The following LCA5L variants were observed in gnomAD, a reference collection of about 807,000 sequenced individuals.
LCA5L encodes lebercilin-like protein.
Under a neutral mutation model 45.4 loss-of-function variants are expected in LCA5L, and 35 were observed. The observed-to-expected ratio is 0.77, with a 90% CI of 0.59 to 1.02. The LOEUF is 1.02. Ranked by LOEUF, LCA5L falls within the 50% of genes least tolerant of loss-of-function variation. The pLI is 0.00. For synonymous variants in LCA5L, 233 were observed against 264.7 expected, an observed-to-expected ratio of 0.88 and a Z score of 1.16; for missense variants, 668 against 761.6, an observed-to-expected ratio of 0.88 and a Z score of 1.45.
At chr21:39,416,015 A>G (rs1048482938) in intron 7 of LCA5L, among the ~76,000 whole-genome samples, 3 of 152,212 alleles carry the variant, frequency 2.0e-5, no homozygotes, top group African/African-American at 7.2e-5. Context: ...ACTGATGATC[A>G]TTGATTAGAG....
chr21:39,410,187 C>T lies in LCA5L; in HGVS notation c.1164+77G>A. 2.4e-6 allele frequency: 3 copies of T among 1,246,492 alleles called. No individual in the cohort carries two copies. The South Asian group carries it at 3.7e-5, about 15-fold the overall frequency. The allele number at this position is 1,246,492 out of a possible 1,614,324, so 77.2% of individuals were successfully genotyped here. On this transcript the variant is annotated intron_variant, in intron 9 of 10. Transcript: ENST00000288350. Reference sequence around the variant, plus strand: ...TTCTAATGACTACAAATACTTTTCACATAGAACAAGTGACTGTAGCCTATT... The same window carrying T: ...TTCTAATGACTACAAATACTTTTCATATAGAACAAGTGACTGTAGCCTATT...
intron 5 of LCA5L, among the ~76,000 whole-genome samples, chr21:39,425,680 CAG>C (rs1398885443): frequency 2.6e-5 from 4 of 151,898 alleles, no homozygotes; most frequent in Non-Finnish European, 2.9e-5. Context: ...TGGTTTAAAA[CAG>C]GGGTGGGCGA....
intron 6 of LCA5L, 155 bp downstream of exon 6, chr21:39,422,821 G>A: frequency 2.8e-6 from 2 of 702,110 alleles, no homozygotes; most frequent in Non-Finnish European, 4.8e-6. Flanking sequence ...CTCCCTTTCT[G>A]TGCCCTCTAT....
chr21:39,408,599 C>G (rs187726711), intron 10 of LCA5L: 8 of 152,418 alleles, frequency 5.2e-5, no homozygotes, highest in Non-Finnish European at 1.2e-4. Context: ...TCTATCAAAC[C>G]CTGCAGTCTG....
At chr21:39,417,748 T>C (rs1021528299) in intron 7 of LCA5L, among the ~76,000 whole-genome samples, 1 of 151,852 alleles carries the variant, frequency 6.6e-6, no homozygotes, top group Non-Finnish European at 1.5e-5. Flanking sequence ...TTCTTTTTAT[T>C]TATTTATTTA....
At chr21:39,435,802 AT>A (rs2076229979) in intron 2 of LCA5L, among the ~76,000 whole-genome samples, 1 of 151,922 alleles carries the variant, frequency 6.6e-6, no homozygotes, top group South Asian at 2.1e-4. Flanking sequence ...TGCCCGGCTA[AT>A]TTTTTTGTAT....
At position 39,427,600 on chromosome 21, in the gene LCA5L, T is replaced by TG. The variant is rs2074975951; in HGVS notation, c.322+571dup. Among the ~76,000 whole-genome samples the TG allele has an allele frequency of 2.0e-5, 3 of 149,940 alleles. No homozygotes were observed. The Admixed American group carries it at 2.0e-4, about 10-fold the overall frequency. On this transcript the variant is annotated intron_variant, in intron 5 of 10. Transcript: ENST00000288350. ...TGGCGTGAACCCGGGAGGCAGAGCT[T>TG]GCAGTGAGCCGAGATGGCGCCACTG...
At chr21:39,408,627 C>T (rs1407209227) in intron 10 of LCA5L, 1 of 152,434 alleles carries the variant, frequency 6.6e-6, no homozygotes, top group African/African-American at 2.4e-5. Context: ...TGAGGACTCT[C>T]CTTGGAACCC....
intron 8 of LCA5L, chr21:39,411,291 G>A (rs180968161): frequency 9.5e-6 from 2 of 209,436 alleles, no homozygotes; most frequent in Admixed American, 1.1e-4. Context: ...GATTGGGGTG[G>A]TGGCTCCATC....
chr21:39,436,577 G>C (rs902315565), intron 2 of LCA5L, among the ~76,000 whole-genome samples: 1 of 152,122 alleles, frequency 6.6e-6, no homozygotes, highest in Non-Finnish European at 1.5e-5. Context: ...GACCTCCTGG[G>C]CTCACGCGAT....
intron 8 of LCA5L, 51 bp from the exon 9 acceptor site, chr21:39,410,418 A>G (rs757709191): frequency 4.2e-6 from 4 of 944,528 alleles, no homozygotes; most frequent in Non-Finnish European, 6.6e-6. Flanking sequence ...ATTTGGATAC[A>G]ATATTGATTT....
chr21:39,418,271 GCCTT>G (rs1297224662), intron 7 of LCA5L, among the ~76,000 whole-genome samples: 1 of 152,094 alleles, frequency 6.6e-6, no homozygotes, highest in Admixed American at 6.6e-5. Flanking sequence ...AGTTTCGTTT[GCCTT>G]CCTTTCTTCA....
intron 2 of LCA5L, among the ~76,000 whole-genome samples, chr21:39,443,214 A>G (rs1602008661): frequency 6.6e-6 from 1 of 152,224 alleles, no homozygotes; most frequent in African/African-American, 2.4e-5. Flanking sequence ...GCAGTTCTTT[A>G]AAGTTTGCCT....
Position 39,406,509 on chromosome 21 carries a change from C to T in LCA5L, c.1386G>A (p.Val462=). The change falls in exon 11 of 11, where the codon GTG becomes GTA. Residue 462 remains valine, a synonymous_variant. Transcript: ENST00000288350. ...KEDQEKKNIF[V]KEEQELPPKI... ...TTGGTGGTAGTTCTTGCTCTTCTTT[C>T]ACAAAAATGTTTTTCTTTTCTTGGT... 1.2e-6 allele frequency: 2 copies of T among 1,613,334 alleles called. No individual in the cohort carries two copies. Among genetic ancestry groups the T allele is most frequent in the Non-Finnish European group, 1.7e-6 (2 of 1,179,836 alleles).
At chr21:39,413,546 T>C (rs1021212117) in intron 7 of LCA5L, among the ~76,000 whole-genome samples, 1 of 152,206 alleles carries the variant, frequency 6.6e-6, no homozygotes, top group Non-Finnish European at 1.5e-5. Flanking sequence ...AATTAGTTTA[T>C]TATCAGAGGT....
intron 6 of LCA5L, chr21:39,421,999 CAAT>C: frequency 6.6e-6 from 1 of 152,136 alleles, no homozygotes; most frequent in South Asian, 2.1e-4. Flanking sequence ...AAGATGAATA[CAAT>C]ATTACCTAAA....
intron 2 of LCA5L, among the ~76,000 whole-genome samples, chr21:39,437,112 G>A (rs1200285810): frequency 1.3e-5 from 2 of 152,148 alleles, no homozygotes; most frequent in Non-Finnish European, 2.9e-5. Flanking sequence ...GGATGCCTCT[G>A]TGCTTAATTC....
At chr21:39,425,283 T>G (rs1220275697) in intron 5 of LCA5L, among the ~76,000 whole-genome samples, 2 of 152,106 alleles carry the variant, frequency 1.3e-5, no homozygotes, top group African/African-American at 4.8e-5. Context: ...CTGCTCCAGG[T>G]GGTGGGAAAG....
chr21:39,427,196 A>G (rs1271748544), intron 5 of LCA5L, among the ~76,000 whole-genome samples: 4 of 152,218 alleles, frequency 2.6e-5, no homozygotes, highest in African/African-American at 9.7e-5. Flanking sequence ...GATGGTCAAC[A>G]TGGACAAGAG....
Sources: gnomAD v4.1 joint callset for allele counts (sites outside exome capture counted in the v4.1 genomes callset) on GRCh38, gnomAD v4.1.1 for gene constraint, MANE v1.5 for transcripts, NCBI Gene and HGNC (gene_info 2026-07-23, HGNC 2026-07-21) for gene names.